The following WDR3 variants were observed in gnomAD, a reference collection of about 807,000 sequenced individuals.
WDR3 encodes WD repeat domain 3, also known as WD repeat-containing protein 3.
Under a neutral mutation model 123.7 loss-of-function variants are expected in WDR3, and 81 were observed. The ratio of observed to expected loss-of-function variants is 0.65; its 90% CI spans 0.55 to 0.79. The LOEUF (loss-of-function observed/expected upper bound fraction) is 0.79. Among genes scored for constraint, WDR3 ranks in the 30% least tolerant of loss-of-function variants. The probability of loss-of-function intolerance (pLI) is 0.00; values close to 1 mark genes in which losing one functional copy is unlikely to be tolerated. For synonymous variants in WDR3, 390 were observed against 388.8 expected, an observed-to-expected ratio of 1.00 and a Z score of -0.04; for missense variants, 1,027 against 1,123.2, an observed-to-expected ratio of 0.91 and a Z score of 1.22.
Position 117,954,019 on chromosome 1 carries a change from A to G in WDR3, c.2281A>G (p.Met761Val), listed in dbSNP as rs770449109. 5 of 1,611,694 alleles carry G rather than the reference A, an allele frequency of 3.1e-6. No homozygotes were observed. The Admixed American group carries it at 5.0e-5, about 16-fold the overall frequency. The change falls in exon 22 of 27, where the codon ATG (methionine) becomes GTG (valine). Residue 761 changes from methionine to valine, a missense_variant. Met to Val is a conservative substitution (Grantham distance 21). Transcript: ENST00000349139. ...IETVKAAERI[M>V]EAIELYREET... The stretch of plus-strand genomic sequence containing the variant: ...TCATCCTCTGTAGGCTGAGAGGATT[A>G]TGGAGGCTATTGAGTTGTACCGAGA...
Position 117,964,166 on chromosome 1 carries a change from T to G in WDR3, c.*4719T>G, listed in dbSNP as rs543866942. ...CCCTAGTGTACATTTCTCTCCTAAC[T>G]GTGACTGGCTTTCTATAAGGAGCCA... On this transcript the variant is annotated 3_prime_UTR_variant, in exon 27 of 27. Coordinates refer to ENST00000349139, the MANE Select transcript of WDR3 (RefSeq NM_006784.3). 1.4e-5 allele frequency: 5 copies of G among 367,760 alleles called. No homozygotes were observed. Among genetic ancestry groups the G allele is most frequent in the African/African-American group, 4.1e-5 (2 of 49,240 alleles). The allele number at this position is 367,760 out of a possible 1,614,324, so 22.8% of individuals were successfully genotyped here. A position where few individuals can be genotyped will look rare whatever the true frequency, so the allele number is the denominator to read the frequency against.
intron 20 of WDR3, 31 bp downstream of exon 20, chr1:117,953,027 GC>G (rs1651698523): frequency 1.2e-6 from 2 of 1,607,770 alleles, no homozygotes; most frequent in Non-Finnish European, 1.7e-6. Flanking sequence ...TTGAGATTAT[GC>G]CCCATATATA....
chr1:117,939,644 T>A, intron 6 of WDR3, 72 bp downstream of exon 6: 1 of 1,446,768 alleles, frequency 6.9e-7, no homozygotes, highest in Non-Finnish European at 9.7e-7. Context: ...GAATCAGATG[T>A]AATTATTCAG....
chr1:117,955,336 AT>A lies in WDR3; in HGVS notation c.2436del (p.Phe812LeufsTer65). ...SISPSAYVLE[I>X]FKGIKSSELE... Reference sequence around the variant, plus strand: ...ATAGCCTTCAGCTTATGTATTAGAGATTTTTAAAGGGATCAAGTCGAGGTGA... The same window carrying A: ...ATAGCCTTCAGCTTATGTATTAGAGATTTTAAAGGGATCAAGTCGAGGTGA... On this transcript the variant is annotated frameshift_variant, in exon 24 of 27. Coordinates refer to ENST00000349139, the MANE Select transcript of WDR3 (RefSeq NM_006784.3). LOFTEE classifies it high-confidence loss of function. The A allele has an allele frequency of 6.2e-7, 1 of 1,612,402 alleles. No homozygotes were observed. Among genetic ancestry groups the A allele is most frequent in the Non-Finnish European group, 8.5e-7 (1 of 1,178,946 alleles).
intron 24 of WDR3, 96 bp downstream of exon 24, chr1:117,955,454 G>T (rs1030509873): frequency 1.3e-4 from 154 of 1,193,224 alleles, no homozygotes; most frequent in Non-Finnish European, 1.8e-4. Context: ...ATAATTGATG[G>T]TTATCTTATA....
At position 117,934,459 on chromosome 1, in the gene WDR3, T is replaced by G. The variant is rs1221203442; in HGVS notation, c.172-14T>G. ...TTAACTCTTCTACATTGTTTTTAAT[T>G]TTTATGATTTCAGATTCTTATCCTT... On this transcript the variant is annotated splice_polypyrimidine_tract_variant and intron_variant, in intron 2 of 26. Coordinates refer to ENST00000349139, the MANE Select transcript of WDR3 (RefSeq NM_006784.3). The G allele has an allele frequency of 1.2e-6, 2 of 1,612,482 alleles. No individual in the cohort carries two copies. Among genetic ancestry groups the G allele is most frequent in the African/African-American group, 2.7e-5 (2 of 74,834 alleles).
At chr1:117,951,834 A>G (rs1651623560) in intron 16 of WDR3, 142 bp from the exon 17 acceptor site, 2 of 723,210 alleles carry the variant, frequency 2.8e-6, no homozygotes, top group African/African-American at 3.6e-5. Flanking sequence ...CAAAGAATTC[A>G]GTGTTTTTAG....
chr1:117,941,194 T>C lies in WDR3; in HGVS notation c.860T>C (p.Val287Ala), dbSNP rs1341126341. The C allele has an allele frequency of 2.5e-6, 4 of 1,614,150 alleles. No individual in the cohort carries two copies. The highest frequency in any genetic ancestry group is 4.5e-5 in the East Asian group (2 of 44,868). The change falls in exon 8 of 27, where the codon GTC (valine) becomes GCC (alanine). Residue 287 changes from valine (V) to alanine (A), a missense_variant. Physicochemically the swap from Val to Ala is moderately conservative, Grantham distance 64 (BLOSUM62 0). Coordinates refer to ENST00000349139, the MANE Select transcript of WDR3 (RefSeq NM_006784.3). ...EGRDRVVNLA[V>A]DKTGRILACH... ...AGAGACAGAGTTGTAAACCTTGCAG[T>C]CGACAAGACAGGCAGGATTCTTGCT...
rs974936044 is a variant in WDR3, at chr1:117,939,847, A to G, written c.675+275A>G. 1.6e-4 allele frequency among the ~76,000 whole-genome samples: 24 copies of G among 152,216 alleles called. 1 individual carries two copies. Among genetic ancestry groups the G allele is most frequent in the Admixed American group, 3.3e-4 (5 of 15,284 alleles). On this transcript the variant is annotated intron_variant, in intron 6 of 26. Transcript: ENST00000349139. Reference sequence around the variant, plus strand: ...GATATTCTTGGACCTTTGGGTGTCCATGGATGGCCTTCAGAATATCTGTGA... The same window carrying G: ...GATATTCTTGGACCTTTGGGTGTCCGTGGATGGCCTTCAGAATATCTGTGA...
At chr1:117,950,359 A>C (rs750733520) in intron 15 of WDR3, among the ~76,000 whole-genome samples, 4 of 152,198 alleles carry the variant, frequency 2.6e-5, no homozygotes, top group Non-Finnish European at 5.9e-5. Flanking sequence ...TGTTCAAAAA[A>C]TCTTGTGGAC....
chr1:117,941,016 A>C lies in WDR3; in HGVS notation c.789+76A>C, dbSNP rs151331137. ...AAGAATTGCAGATTTTTAGGGAATC[A>C]TCACTTTAGGGAATATTTTTGTCAC... On this transcript the variant is annotated intron_variant, in intron 7 of 26. Transcript: ENST00000349139. The C allele has an allele frequency of 1.8e-4, 278 of 1,571,366 alleles. No individual in the cohort carries two copies. The African/African-American group carries it at 3.6e-3, about 20-fold the overall frequency.
intron 15 of WDR3, 40 bp downstream of exon 15, chr1:117,950,170 T>G: frequency 6.2e-7 from 1 of 1,608,590 alleles, no homozygotes; most frequent in Non-Finnish European, 8.5e-7. Flanking sequence ...CCTTTCTGAC[T>G]GACTGACCTT....
At chr1:117,949,865 T>A in intron 14 of WDR3, 29 bp downstream of exon 14, 1 of 1,612,508 alleles carries the variant, frequency 6.2e-7, no homozygotes. Flanking sequence ...TGTCCATTTT[T>A]TGGAGTGAAA....
intron 15 of WDR3, among the ~76,000 whole-genome samples, chr1:117,950,465 CT>C (rs1215370273): frequency 6.6e-6 from 1 of 152,086 alleles, no homozygotes; most frequent in Admixed American, 6.6e-5. Flanking sequence ...ATCTAGGTTG[CT>C]TTTAAAAATA....
chr1:117,943,585 T>C lies in WDR3; in HGVS notation c.1287T>C (p.Ala429=). The C allele has an allele frequency of 6.2e-7, 1 of 1,614,168 alleles. No individual in the cohort carries two copies. Among genetic ancestry groups the C allele is most frequent in the Non-Finnish European group, 8.5e-7 (1 of 1,180,026 alleles). Residue 429 remains alanine, a synonymous_variant, in exon 11 of 27, where the codon GCT becomes GCC. Transcript: ENST00000349139. ...TGTCATTCAGCTCAGACAATATTGC[T>C]GTTCTTTCAGCTGCAGCTGATTCCA... ...RTLSFSSDNI[A]VLSAAADSIK...
At chr1:117,947,183 A>T (rs974913650) in intron 12 of WDR3, among the ~76,000 whole-genome samples, 1 of 152,208 alleles carries the variant, frequency 6.6e-6, no homozygotes, top group Non-Finnish European at 1.5e-5. Flanking sequence ...AACTCTTAGC[A>T]GAGAAACTAG....
At chr1:117,939,716 T>C in intron 6 of WDR3, 144 bp downstream of exon 6, 1 of 767,040 alleles carries the variant, frequency 1.3e-6, no homozygotes, top group Non-Finnish European at 2.1e-6. Flanking sequence ...TTAAAAAAGC[T>C]TTTCTTCCTT....
intron 24 of WDR3, 73 bp from the exon 25 acceptor site, chr1:117,956,995 A>G (rs1194088471): frequency 6.1e-6 from 8 of 1,308,700 alleles, no homozygotes; most frequent in Non-Finnish European, 8.2e-6. Flanking sequence ...TAATAAAGGG[A>G]AGGATTTAAA....
chr1:117,932,363 A>G (rs1557815786), intron 1 of WDR3, among the ~76,000 whole-genome samples: 2 of 152,228 alleles, frequency 1.3e-5, no homozygotes, highest in Non-Finnish European at 2.9e-5. Context: ...ATCACTTGGA[A>G]ACTTGTTAGA....
Sources: allele counts gnomAD v4.1 joint callset (sites outside exome capture counted in the v4.1 genomes callset), GRCh38; gene constraint gnomAD v4.1.1; transcripts MANE v1.5; gene names NCBI Gene and HGNC (gene_info 2026-07-23, HGNC 2026-07-21).